The following KLHL1 variants were observed in gnomAD, a reference collection of about 807,000 sequenced individuals.
KLHL1 encodes the protein kelch-like protein 1.
KLHL1 carries 47 observed loss-of-function variants against 77.7 expected under a neutral mutation model. That is an observed-to-expected ratio of 0.60 (90% CI 0.48 to 0.77). The LOEUF is 0.77. Among genes scored for constraint, KLHL1 ranks in the 30% least tolerant of loss-of-function variants. The probability of loss-of-function intolerance (pLI) is 0.00; values close to 1 mark genes in which losing one functional copy is unlikely to be tolerated. For synonymous variants in KLHL1, 360 were observed against 325.2 expected, an observed-to-expected ratio of 1.11 and a Z score of -1.15; for missense variants, 925 against 910.8, an observed-to-expected ratio of 1.02 and a Z score of -0.20.
intron 5 of KLHL1, among the ~76,000 whole-genome samples, chr13:69,875,633 A>G (rs924017436): frequency 6.6e-6 from 1 of 152,136 alleles, no homozygotes; most frequent in Non-Finnish European, 1.5e-5. Flanking sequence ...CTTTTATTAT[A>G]TTAATACCTC....
intron 2 of KLHL1, among the ~76,000 whole-genome samples, chr13:69,969,011 AAGTT>A (rs1884304263): frequency 6.6e-6 from 1 of 152,046 alleles, no homozygotes; most frequent in East Asian, 1.9e-4. Context: ...AAAAGAAAGG[AAGTT>A]AGATCAATAC....
chr13:69,971,124 A>G lies in KLHL1; in HGVS notation c.680+4496T>C, dbSNP rs116680143. ...CTGGGTTTGAGTTCTAATGTCACCA[A>G]TTATTGAGTGAATAACTTGGGTACA... On this transcript the variant is annotated intron_variant, in intron 2 of 10. Coordinates refer to ENST00000377844, the MANE Select transcript of KLHL1 (RefSeq NM_020866.3). Among the ~76,000 whole-genome samples the G allele has an allele frequency of 2.4e-3, 367 of 152,226 alleles. 2 individuals carry two copies. The highest frequency in any genetic ancestry group is 7.8e-3 in the African/African-American group (324 of 41,570).
intron 7 of KLHL1, among the ~76,000 whole-genome samples, chr13:69,784,036 T>G (rs1272231964): frequency 6.6e-6 from 1 of 152,106 alleles, no homozygotes; most frequent in Non-Finnish European, 1.5e-5. Context: ...AATTCAACAT[T>G]CTTAAAGAAA....
At chr13:69,780,096 C>T (rs1876063562) in intron 7 of KLHL1, among the ~76,000 whole-genome samples, 2 of 152,170 alleles carry the variant, frequency 1.3e-5, no homozygotes, top group African/African-American at 2.4e-5. Flanking sequence ...GCATGAGCCA[C>T]CGTGCCCAGC....
intron 7 of KLHL1, among the ~76,000 whole-genome samples, chr13:69,765,310 T>A (rs1161950186): frequency 1.3e-5 from 2 of 152,090 alleles, no homozygotes; most frequent in African/African-American, 4.8e-5. Flanking sequence ...TTATATACTT[T>A]ATGAATAATA....
intron 3 of KLHL1, among the ~76,000 whole-genome samples, chr13:69,943,017 A>G (rs1285069326): frequency 6.6e-6 from 1 of 152,088 alleles, no homozygotes. Flanking sequence ...TGAAGAATCC[A>G]TACTAGTTGT....
chr13:69,771,916 G>A (rs1006761906), intron 7 of KLHL1, among the ~76,000 whole-genome samples: 2 of 151,960 alleles, frequency 1.3e-5, no homozygotes, highest in Non-Finnish European at 1.5e-5. Context: ...TATCTTTGTA[G>A]TATTGCAAGA....
At chr13:70,082,577 G>A (rs926785115) in intron 1 of KLHL1, among the ~76,000 whole-genome samples, 2 of 151,964 alleles carry the variant, frequency 1.3e-5, no homozygotes, top group African/African-American at 4.8e-5. Flanking sequence ...CAATTCCCCA[G>A]AACATTTTAT....
At chr13:69,916,079 G>A (rs1882422634) in intron 4 of KLHL1, among the ~76,000 whole-genome samples, 1 of 152,100 alleles carries the variant, frequency 6.6e-6, no homozygotes, top group African/African-American at 2.4e-5. Flanking sequence ...TCATTAAAAA[G>A]TCAGGAAACA....
chr13:69,876,872 T>C (rs1880787708), intron 5 of KLHL1, among the ~76,000 whole-genome samples: 1 of 152,082 alleles, frequency 6.6e-6, no homozygotes, highest in Admixed American at 6.6e-5. Context: ...ACCCCGTCTC[T>C]ATTAAAAATA....
chr13:69,969,442 T>G (rs1487673150), intron 2 of KLHL1, among the ~76,000 whole-genome samples: 1 of 152,060 alleles, frequency 6.6e-6, no homozygotes, highest in Non-Finnish European at 1.5e-5. Flanking sequence ...ATGGTGAGTT[T>G]TATCAAAAGC....
intron 6 of KLHL1, among the ~76,000 whole-genome samples, chr13:69,810,040 T>C (rs1877797826): frequency 6.6e-6 from 1 of 152,138 alleles, no homozygotes; most frequent in South Asian, 2.1e-4. Flanking sequence ...TCCAGATTTA[T>C]AAAACAATTC....
intron 4 of KLHL1, among the ~76,000 whole-genome samples, chr13:69,922,928 A>G (rs1882690268): frequency 6.6e-6 from 1 of 152,238 alleles, no homozygotes; most frequent in Admixed American, 6.5e-5. Flanking sequence ...ATTATATAAA[A>G]TATTCAAAAG....
chr13:69,872,153 A>G (rs963776228), intron 5 of KLHL1, among the ~76,000 whole-genome samples: 52 of 152,184 alleles, frequency 3.4e-4, no homozygotes, highest in African/African-American at 1.2e-3. Flanking sequence ...CTCTGGTGAG[A>G]GCCTCTGTCT....
At chr13:69,984,637 G>A (rs573300912) in intron 1 of KLHL1, among the ~76,000 whole-genome samples, 2 of 152,134 alleles carry the variant, frequency 1.3e-5, no homozygotes, top group East Asian at 3.9e-4. Context: ...AACCCACTTG[G>A]GCACTCCTCT....
At chr13:69,981,922 G>T in intron 1 of KLHL1, among the ~76,000 whole-genome samples, 1 of 149,716 alleles carries the variant, frequency 6.7e-6, no homozygotes, top group Non-Finnish European at 1.5e-5. Context: ...ATTAAAAGAG[G>T]ATACTATTAA....
At position 69,750,501 on chromosome 13, in the gene KLHL1, CATGT is replaced by C. The variant is rs77914272; in HGVS notation, c.1640-9949_1640-9946del. Reference sequence around the variant, plus strand: ...ATTTTCCAGTGAGATATTAAATATACATGTATGTGTGTATATATATGCATGTGTA... The same window carrying C: ...ATTTTCCAGTGAGATATTAAATATACATGTGTGTATATATATGCATGTGTA... On this transcript the variant is annotated intron_variant, in intron 7 of 10. Coordinates refer to ENST00000377844, the MANE Select transcript of KLHL1 (RefSeq NM_020866.3). 5.5e-3 allele frequency among the ~76,000 whole-genome samples: 836 copies of C among 151,640 alleles called. 5 individuals carry two copies. Among genetic ancestry groups the C allele is most frequent in the Non-Finnish European group, 9.5e-3 (645 of 67,780 alleles).
chr13:69,706,337 G>A (rs747713142), intron 10 of KLHL1, among the ~76,000 whole-genome samples: 2 of 151,798 alleles, frequency 1.3e-5, no homozygotes, highest in African/African-American at 4.8e-5. Context: ...TAGAGGAGAA[G>A]AAATTCATAA....
intron 3 of KLHL1, 114 bp downstream of exon 3, chr13:69,961,194 T>A (rs369879549): frequency 4.8e-5 from 47 of 970,010 alleles, no homozygotes; most frequent in Non-Finnish European, 1.2e-5. Context: ...AGTTTTCAAC[T>A]GAAAAGATAC....
Sources: gnomAD v4.1 joint callset for allele counts (sites outside exome capture counted in the v4.1 genomes callset) on GRCh38, gnomAD v4.1.1 for gene constraint, MANE v1.5 for transcripts, NCBI Gene and HGNC (gene_info 2026-07-23, HGNC 2026-07-21) for gene names.